LHFPL6: variants seen among roughly 807,000 people sequenced by gnomAD.
LHFPL6 encodes the protein LHFPL tetraspan subfamily member 6, also known as LHFPL tetraspan subfamily member 6 protein.
LHFPL6 carries 9 observed loss-of-function variants against 20.6 expected under a neutral mutation model. That is an observed-to-expected ratio of 0.44 (90% CI 0.26 to 0.76). The LOEUF (loss-of-function observed/expected upper bound fraction) is 0.76. Among genes scored for constraint, LHFPL6 ranks in the 30% least tolerant of loss-of-function variants. The probability of loss-of-function intolerance (pLI) is 0.20; values close to 1 mark genes in which losing one functional copy is unlikely to be tolerated. For synonymous variants in LHFPL6, 105 were observed against 98.7 expected (o/e 1.06, Z -0.38); for missense variants, 218 against 253.5 (o/e 0.86, Z 0.95).
At chr13:39,387,129 C>T (rs1234056079) in intron 2 of LHFPL6, among the ~76,000 whole-genome samples, 1 of 152,148 alleles carries the variant, frequency 6.6e-6, no homozygotes, top group Admixed American at 6.5e-5. Context: ...TACTTGCATC[C>T]AGCTCACTCA....
At position 39,572,329 on chromosome 13, in the gene LHFPL6, T is replaced by TGTGA. The variant is rs1454852828; in HGVS notation, c.385+28502_385+28503insTCAC. Among the ~76,000 whole-genome samples, 5 of 135,786 alleles carry TGTGA rather than the reference T, an allele frequency of 3.7e-5. No individual in the cohort carries two copies. The East Asian group carries it at 6.5e-4, about 18-fold the overall frequency. 89.1% of individuals were successfully genotyped at this position (135,786 alleles called of 152,430 possible). A position where few individuals can be genotyped will look rare whatever the true frequency, so the allele number is the denominator to read the frequency against. ...GTGTGTGTGTGTGTGTGTGTGTGTG[T>TGTGA]GACAGTCCCCAGTGAGAATCAGTCT... On this transcript the variant is annotated intron_variant, in intron 2 of 3. Coordinates refer to ENST00000379589, the MANE Select transcript of LHFPL6 (RefSeq NM_005780.3).
At chr13:39,467,094 G>C (rs915706124) in intron 2 of LHFPL6, among the ~76,000 whole-genome samples, 2 of 152,126 alleles carry the variant, frequency 1.3e-5, no homozygotes, top group African/African-American at 4.8e-5. Flanking sequence ...CCAATTCACA[G>C]AGAGAACCTC....
At chr13:39,595,229 T>G (rs1872734742) in intron 2 of LHFPL6, among the ~76,000 whole-genome samples, 1 of 152,250 alleles carries the variant, frequency 6.6e-6, no homozygotes, top group Non-Finnish European at 1.5e-5. Context: ...TCCTTGCTTT[T>G]AATAAATCCT....
rs576018658 is a variant in LHFPL6, at chr13:39,379,128, A to C, written c.386-602T>G. Among the ~76,000 whole-genome samples, 399 of 152,290 alleles carry C rather than the reference A, an allele frequency of 2.6e-3. 2 individuals carry two copies. Among genetic ancestry groups the C allele is most frequent in the African/African-American group, 9.2e-3 (383 of 41,566 alleles). ...GGAAGACAGACATTTATCATAATCT[A>C]AGCACCCCTTGCTGCTAAAACCAAA... On this transcript the variant is annotated intron_variant, in intron 2 of 3. Coordinates refer to ENST00000379589, the MANE Select transcript of LHFPL6 (RefSeq NM_005780.3).
At chr13:39,428,396 T>A (rs562159309) in intron 2 of LHFPL6, among the ~76,000 whole-genome samples, 2 of 152,222 alleles carry the variant, frequency 1.3e-5, no homozygotes, top group African/African-American at 4.8e-5. Context: ...AAAATAGATA[T>A]AGAATTACTG....
In LHFPL6 at chr13:39,378,491, A is replaced by G. The variant is rs749541561; in HGVS notation, c.421T>C (p.Leu141=). The G allele has an allele frequency of 1.2e-6, 2 of 1,613,978 alleles. No homozygotes were observed. Among genetic ancestry groups the G allele is most frequent in the Non-Finnish European group, 1.7e-6 (2 of 1,179,938 alleles). The change falls in exon 3 of 4, where the codon TTG becomes CTG. Residue 141 remains leucine, a synonymous_variant. Coordinates refer to ENST00000379589, the MANE Select transcript of LHFPL6 (RefSeq NM_005780.3). ...LIGAGCALYP[L]GWDSEEVRQT... is the part of the protein sequence containing the mutation. ...CGGACTTCCTCACTGTCCCAGCCCA[A>G]GGGGTAGAGGGCACAGCCAGCACCA...
At chr13:39,424,571 T>G (rs761930474) in intron 2 of LHFPL6, among the ~76,000 whole-genome samples, 71 of 152,128 alleles carry the variant, frequency 4.7e-4, no homozygotes, top group Admixed American at 7.9e-4. Context: ...ACAGAAAAAT[T>G]TATCACCTGT....
intron 2 of LHFPL6, among the ~76,000 whole-genome samples, chr13:39,387,561 A>G (rs1377619867): frequency 1.3e-5 from 2 of 151,662 alleles, no homozygotes; most frequent in Admixed American, 1.3e-4. Flanking sequence ...AAAAAAAAAA[A>G]AAAAAAAAAA....
At chr13:39,353,773 T>C (rs1398558249) in intron 3 of LHFPL6, among the ~76,000 whole-genome samples, 1 of 152,160 alleles carries the variant, frequency 6.6e-6, no homozygotes, top group Non-Finnish European at 1.5e-5. Flanking sequence ...ACAAAAAGTA[T>C]AAACTCATAT....
intron 2 of LHFPL6, among the ~76,000 whole-genome samples, chr13:39,412,038 G>A (rs1871250136): frequency 6.6e-6 from 1 of 152,190 alleles, no homozygotes. Context: ...ATAGAACCTG[G>A]ATTCTTGAAT....
intron 2 of LHFPL6, among the ~76,000 whole-genome samples, chr13:39,566,582 A>T (rs1218202991): frequency 6.6e-6 from 1 of 151,746 alleles, no homozygotes; most frequent in Non-Finnish European, 1.5e-5. Context: ...CTCTACAAAA[A>T]ATTAGCTGGG....
At chr13:39,451,725 C>T (rs1265605540) in intron 2 of LHFPL6, among the ~76,000 whole-genome samples, 3 of 152,204 alleles carry the variant, frequency 2.0e-5, no homozygotes, top group Non-Finnish European at 4.4e-5. Context: ...TAATAAGTCT[C>T]ATAAAGTAGG....
intron 2 of LHFPL6, among the ~76,000 whole-genome samples, chr13:39,496,272 G>A (rs911504948): frequency 1.3e-5 from 2 of 152,128 alleles, no homozygotes; most frequent in African/African-American, 2.4e-5. Flanking sequence ...TTCTCCCATG[G>A]TGGAAGGGGT....
At chr13:39,537,935 A>C (rs1870672043) in intron 2 of LHFPL6, among the ~76,000 whole-genome samples, 1 of 151,950 alleles carries the variant, frequency 6.6e-6, no homozygotes, top group Non-Finnish European at 1.5e-5. Flanking sequence ...GGCTAGTTCA[A>C]CTTCTAGCTC....
chr13:39,436,016 T>C (rs1871947887), intron 2 of LHFPL6, among the ~76,000 whole-genome samples: 1 of 151,536 alleles, frequency 6.6e-6, no homozygotes, highest in African/African-American at 2.4e-5. Context: ...GGTTTAATAT[T>C]ATTTTTAAAT....
chr13:39,506,552 TATTTC>T (rs1869490542), intron 2 of LHFPL6, among the ~76,000 whole-genome samples: 1 of 152,206 alleles, frequency 6.6e-6, no homozygotes, highest in South Asian at 2.1e-4. Context: ...TATTTTATTT[TATTTC>T]ATTTCATTTT....
At chr13:39,410,379 A>G (rs909000023) in intron 2 of LHFPL6, among the ~76,000 whole-genome samples, 2 of 152,228 alleles carry the variant, frequency 1.3e-5, no homozygotes, top group Non-Finnish European at 2.9e-5. Context: ...AACCACAATG[A>G]ATGAAGATAG....
intron 2 of LHFPL6, among the ~76,000 whole-genome samples, chr13:39,472,439 T>C (rs1012035457): frequency 5.3e-5 from 8 of 152,096 alleles, no homozygotes. Context: ...TTTCTCATTC[T>C]CTTGGTGTCT....
chr13:39,382,495 T>C (rs1036229409), intron 2 of LHFPL6, among the ~76,000 whole-genome samples: 4 of 152,108 alleles, frequency 2.6e-5, no homozygotes, highest in Admixed American at 6.6e-5. Context: ...GTTCAAGTGA[T>C]TCTCCTGCCT....
Sources: allele counts gnomAD v4.1 joint callset (sites outside exome capture counted in the v4.1 genomes callset), GRCh38; gene constraint gnomAD v4.1.1; transcripts MANE v1.5; gene names NCBI Gene and HGNC (gene_info 2026-07-23, HGNC 2026-07-21).